COL24A1: variants seen among roughly 807,000 people sequenced by gnomAD.
The protein encoded by COL24A1 is collagen type XXIV alpha 1 chain.
Under a neutral mutation model 253.9 loss-of-function variants are expected in COL24A1, and 224 were observed. That is an observed-to-expected ratio of 0.88 (90% confidence interval 0.79 to 0.99). The LOEUF (loss-of-function observed/expected upper bound fraction) is 0.99. Ranked by LOEUF, COL24A1 falls within the 50% of genes least tolerant of loss-of-function variation. The pLI is 0.00. For synonymous variants in COL24A1, 685 were observed against 673.7 expected, an observed-to-expected ratio of 1.02 and a Z score of -0.26; for missense variants, 2,131 against 2,068.5, an observed-to-expected ratio of 1.03 and a Z score of -0.59.
intron 7 of COL24A1, among the ~76,000 whole-genome samples, chr1:86,069,469 C>A (rs527829837): frequency 6.6e-6 from 1 of 152,248 alleles, no homozygotes; most frequent in South Asian, 2.1e-4. Flanking sequence ...TTGCTAATGT[C>A]TTTGACTTCA....
chr1:85,883,643 C>A (rs1682132420), intron 32 of COL24A1: 1 of 152,168 alleles, frequency 6.6e-6, no homozygotes, highest in African/African-American at 2.4e-5. Flanking sequence ...TACATATTTA[C>A]AATTAACCCA....
At chr1:86,055,212 A>G (rs1020192345) in intron 10 of COL24A1, among the ~76,000 whole-genome samples, 3 of 152,222 alleles carry the variant, frequency 2.0e-5, no homozygotes, top group Admixed American at 1.3e-4. Context: ...TGCTTTGACA[A>G]CAGGATCACT....
In COL24A1 at chr1:86,125,004, G is replaced by A. The variant is rs993947747; in HGVS notation, c.1332C>T (p.His444=). Residue 444 remains histidine, a synonymous_variant, in exon 3 of 60, where the codon CAC becomes CAT. Transcript: ENST00000370571. ...RVTNEPSVDN[H]LDLRKEGEFY... is the part of the protein sequence containing the mutation. ...ATTCACCTTCTTTCCTTAGATCAAG[G>A]TGATTATCCACAGATGGCTCATTTG... 3 of 1,613,116 alleles carry A rather than the reference G, an allele frequency of 1.9e-6. No individual in the cohort carries two copies. The highest frequency in any genetic ancestry group is 2.2e-5 in the South Asian group (2 of 91,010).
rs1703178435 is a variant in COL24A1 at position 86,087,773 on chromosome 1, C to G, written c.1707+1401G>C. Among the ~76,000 whole-genome samples the G allele has an allele frequency of 2.6e-5, 4 of 152,280 alleles. No individual in the cohort carries two copies. In the South Asian group the frequency reaches 8.3e-4, roughly 32 times the overall value. On this transcript the variant is annotated intron_variant, in intron 7 of 59. Coordinates refer to ENST00000370571, the MANE Select transcript of COL24A1 (RefSeq NM_152890.7). The stretch of plus-strand genomic sequence containing the variant: ...TGTATACTCAGTAGCATAAAATAAA[C>G]AGGTTCATGACTGTATATCAAGATC...
intron 24 of COL24A1, among the ~76,000 whole-genome samples, chr1:85,957,557 G>A (rs1571366378): frequency 2.6e-5 from 4 of 152,104 alleles, no homozygotes; most frequent in Admixed American, 1.3e-4. Flanking sequence ...GTTATCAAAG[G>A]CCTAATTGCA....
intron 45 of COL24A1, among the ~76,000 whole-genome samples, chr1:85,821,416 ATC>A (rs1173385523): frequency 1.3e-5 from 2 of 152,156 alleles, no homozygotes; most frequent in Non-Finnish European, 2.9e-5. Context: ...GTAACTCATA[ATC>A]TCTCTGGGAT....
intron 58 of COL24A1, among the ~76,000 whole-genome samples, chr1:85,735,253 T>C (rs1174626311): frequency 6.6e-6 from 1 of 152,136 alleles, no homozygotes; most frequent in East Asian, 1.9e-4. Flanking sequence ...AACACGGCAA[T>C]GGGAAGAAAT....
intron 24 of COL24A1, among the ~76,000 whole-genome samples, chr1:85,911,650 T>A: frequency 6.6e-6 from 1 of 152,104 alleles, no homozygotes; most frequent in East Asian, 1.9e-4. Flanking sequence ...GCCTAAAATA[T>A]AACAGGCACT....
intron 52 of COL24A1, among the ~76,000 whole-genome samples, chr1:85,777,114 T>C (rs1231844583): frequency 6.6e-6 from 1 of 151,862 alleles, no homozygotes; most frequent in Non-Finnish European, 1.5e-5. Context: ...TAAGCCCAGA[T>C]AATTTTTGTA....
At chr1:86,044,573 CTT>C (rs1002052311) in intron 12 of COL24A1, among the ~76,000 whole-genome samples, 19 of 152,194 alleles carry the variant, frequency 1.2e-4, no homozygotes, top group African/African-American at 3.6e-4. Flanking sequence ...AGCAATAAAA[CTT>C]TGAAAATTTT....
intron 4 of COL24A1, among the ~76,000 whole-genome samples, chr1:86,112,885 T>C (rs1705748680): frequency 6.6e-6 from 1 of 152,228 alleles, no homozygotes; most frequent in East Asian, 1.9e-4. Flanking sequence ...AGAAATTTCT[T>C]CATGTAAAAT....
At chr1:86,096,410 A>G (rs1703893603) in intron 5 of COL24A1, among the ~76,000 whole-genome samples, 1 of 152,070 alleles carries the variant, frequency 6.6e-6, no homozygotes, top group African/African-American at 2.4e-5. Context: ...TAATAACCAC[A>G]TAAGCTTCAT....
chr1:85,847,695 A>C lies in COL24A1; in HGVS notation c.3432T>G (p.Pro1144=), dbSNP rs1238279914. 1.2e-6 allele frequency: 2 copies of C among 1,613,670 alleles called. No individual in the cohort carries two copies. Among genetic ancestry groups the C allele is most frequent in the African/African-American group, 2.7e-5 (2 of 74,920 alleles). ...CACCTCTAGTTCCTCTGGCACCCTTAGGACCACTTTTCCCAATTTTTCCAG... is the reference window on the plus strand; with the variant it reads ...CACCTCTAGTTCCTCTGGCACCCTTCGGACCACTTTTCCCAATTTTTCCAG... ...GPPGKIGKSG[P]KGARGTRGAV... The change falls in exon 39 of 60, where the codon CCT becomes CCG. Residue 1144 remains proline, a synonymous_variant. Transcript: ENST00000370571.
intron 20 of COL24A1, among the ~76,000 whole-genome samples, chr1:85,985,827 G>C (rs1034818853): frequency 6.6e-6 from 1 of 151,856 alleles, no homozygotes; most frequent in South Asian, 2.1e-4. Context: ...CAGAAAGGAA[G>C]TGGGAAAGAT....
intron 12 of COL24A1, among the ~76,000 whole-genome samples, chr1:86,037,256 C>T (rs1699106720): frequency 6.6e-6 from 1 of 152,198 alleles, no homozygotes; most frequent in African/African-American, 2.4e-5. Context: ...TTTTCTATGA[C>T]ATCCTCCCTT....
chr1:85,910,225 A>G (rs1685233186), intron 25 of COL24A1, among the ~76,000 whole-genome samples: 1 of 151,958 alleles, frequency 6.6e-6, no homozygotes, highest in Non-Finnish European at 1.5e-5. Flanking sequence ...GGAGAAAAAT[A>G]TTAAAGTCCT....
chr1:86,029,161 A>C (rs1382210689), intron 14 of COL24A1, among the ~76,000 whole-genome samples: 1 of 151,658 alleles, frequency 6.6e-6, no homozygotes, highest in Non-Finnish European at 1.5e-5. Context: ...AAAAAAAAAA[A>C]CATCACACAG....
chr1:85,807,529 G>C (rs1397213935), intron 47 of COL24A1, among the ~76,000 whole-genome samples: 1 of 152,166 alleles, frequency 6.6e-6, no homozygotes, highest in Non-Finnish European at 1.5e-5. Context: ...ATGGTTAATT[G>C]AACATAGGAG....
At chr1:86,142,987 A>T (rs1374983102) in intron 2 of COL24A1, among the ~76,000 whole-genome samples, 1 of 152,146 alleles carries the variant, frequency 6.6e-6, no homozygotes, top group Non-Finnish European at 1.5e-5. Flanking sequence ...CAAGCCAGAT[A>T]AAAAAAGGCA....
Sources: allele counts gnomAD v4.1 joint callset (sites outside exome capture counted in the v4.1 genomes callset), GRCh38; gene constraint gnomAD v4.1.1; transcripts MANE v1.5; gene names NCBI Gene and HGNC (gene_info 2026-07-23, HGNC 2026-07-21).